TAOK3: variants seen among roughly 807,000 people sequenced by gnomAD.
TAOK3 encodes the protein TAO kinase 3.
TAOK3 carries 40 observed loss-of-function variants against 120.4 expected under a neutral mutation model. The ratio of observed to expected loss-of-function variants is 0.33; its 90% CI spans 0.26 to 0.43. The LOEUF (loss-of-function observed/expected upper bound fraction) is 0.43. TAOK3 is among the 20% of genes least tolerant of loss of function. The pLI is 1.00. For synonymous variants in TAOK3, 355 were observed against 387.5 expected (o/e 0.92, Z 0.99); for missense variants, 821 against 1,112.1 (o/e 0.74, Z 3.72).
Position 118,204,006 on chromosome 12 carries a change from C to G in TAOK3, c.820-2543G>C, listed in dbSNP as rs193100762. 3.3e-5 allele frequency among the ~76,000 whole-genome samples: 5 copies of G among 152,270 alleles called. No homozygotes were observed. In the East Asian group the frequency reaches 9.7e-4, roughly 29 times the overall value. On this transcript the variant is annotated intron_variant, in intron 11 of 20. Transcript: ENST00000392533. ...TTAGGCTGGGCGTGGTGGCTCACAT[C>G]TGTAATCCCAGCACTTTGGAAGGCC...
intron 1 of TAOK3, among the ~76,000 whole-genome samples, chr12:118,355,091 T>C (rs958816684): frequency 3.9e-5 from 6 of 152,130 alleles, no homozygotes; most frequent in African/African-American, 1.4e-4. Flanking sequence ...ATAAAACTCA[T>C]GAATGGTTTA....
At chr12:118,307,286 A>G (rs953145289) in intron 1 of TAOK3, among the ~76,000 whole-genome samples, 5 of 152,002 alleles carry the variant, frequency 3.3e-5, no homozygotes, top group African/African-American at 1.2e-4. Context: ...ACAGAAAGCA[A>G]AGCTCTCAGA....
rs148512153 is a variant in TAOK3 at position 118,217,638 on chromosome 12, C to T, written c.644-3528G>A. Among the ~76,000 whole-genome samples, 1,383 of 150,978 alleles carry T rather than the reference C, an allele frequency of 9.2e-3. 9 individuals carry two copies. The highest frequency in any genetic ancestry group is 0.016 in the Non-Finnish European group (1,088 of 67,770). On this transcript the variant is annotated intron_variant, in intron 9 of 20. Coordinates refer to ENST00000392533, the MANE Select transcript of TAOK3 (RefSeq NM_016281.4). The stretch of plus-strand genomic sequence containing the variant: ...GGCGGAGGTTGCAATGAGCTGAGAT[C>T]ATGCCACTGCACTCCAGCCTGAGTG...
intron 1 of TAOK3, among the ~76,000 whole-genome samples, chr12:118,370,959 G>C (rs2045875875): frequency 1.3e-5 from 2 of 152,186 alleles, no homozygotes; most frequent in African/African-American, 4.8e-5. Flanking sequence ...AATCTAATTG[G>C]AAAGAGCTCT....
intron 3 of TAOK3, among the ~76,000 whole-genome samples, chr12:118,254,689 AAGG>A (rs2040904581): frequency 6.6e-6 from 1 of 152,200 alleles, no homozygotes; most frequent in African/African-American, 2.4e-5. Flanking sequence ...TAGCACATAT[AAGG>A]CTCTGAGGCA....
intron 11 of TAOK3, among the ~76,000 whole-genome samples, chr12:118,211,297 T>C (rs2038617964): frequency 1.3e-5 from 2 of 152,180 alleles, no homozygotes; most frequent in South Asian, 4.1e-4. Flanking sequence ...ATGTGTTTTG[T>C]TTTCTTTTTC....
intron 1 of TAOK3, among the ~76,000 whole-genome samples, chr12:118,354,849 C>T (rs895529712): frequency 1.3e-5 from 2 of 152,086 alleles, no homozygotes; most frequent in Non-Finnish European, 2.9e-5. Context: ...TCCATTAAAC[C>T]TCTTTCCTGT....
chr12:118,272,250 C>G (rs2041731450), intron 1 of TAOK3, among the ~76,000 whole-genome samples: 1 of 147,144 alleles, frequency 6.8e-6, no homozygotes, highest in East Asian at 2.0e-4. Context: ...CCGAGTTACA[C>G]CACTGCACTC....
chr12:118,353,346 T>C (rs1019829109), intron 1 of TAOK3, among the ~76,000 whole-genome samples: 8 of 151,954 alleles, frequency 5.3e-5, no homozygotes, highest in African/African-American at 1.9e-4. Flanking sequence ...AGCAAGGGCT[T>C]TTTGGGTGAA....
Position 118,214,071 on chromosome 12 carries a change from C to T in TAOK3, c.683G>A (p.Ser228Asn), listed in dbSNP as rs1271228186. The T allele has an allele frequency of 6.2e-7, 1 of 1,609,912 alleles. No individual in the cohort carries two copies. The highest frequency in any genetic ancestry group is 8.5e-7 in the Non-Finnish European group (1 of 1,178,774). Reference sequence around the variant, plus strand: ...ATTCTGGGCAATGTGATATAAGGCACTCATTGCATTCATGTTGAAAAGGGG... The same window carrying T: ...ATTCTGGGCAATGTGATATAAGGCATTCATTGCATTCATGTTGAAAAGGGG... Reference protein sequence around the residue: ...KPPLFNMNAMSALYHIAQNDS... With the variant: ...KPPLFNMNAMNALYHIAQNDS... The change falls in exon 10 of 21, where the codon AGT (serine) becomes AAT (asparagine). Residue 228 changes from serine to asparagine, a missense_variant. This residue lies in a region of TAOK3 where 467 missense variants were observed against 540.0 expected (regional missense o/e 0.86). Transcript: ENST00000392533.
chr12:118,328,000 T>C (rs1259380432), intron 1 of TAOK3, among the ~76,000 whole-genome samples: 1 of 152,124 alleles, frequency 6.6e-6, no homozygotes. Flanking sequence ...ATAGTGTTTA[T>C]ATGCAGAACT....
chr12:118,299,986 C>T (rs2042820297), intron 1 of TAOK3, among the ~76,000 whole-genome samples: 1 of 152,150 alleles, frequency 6.6e-6, no homozygotes, highest in African/African-American at 2.4e-5. Flanking sequence ...CTCCTTCCCC[C>T]ACTTACCCCT....
intron 1 of TAOK3, among the ~76,000 whole-genome samples, chr12:118,364,721 A>G (rs1643941753): frequency 6.6e-6 from 1 of 152,110 alleles, no homozygotes; most frequent in Non-Finnish European, 1.5e-5. Context: ...CAGCCTGGCC[A>G]ACACGGTGAA....
At position 118,246,186 on chromosome 12, in the gene TAOK3, G is replaced by T; in HGVS notation, c.121-1221C>A. On this transcript the variant is annotated intron_variant, in intron 3 of 20. Coordinates refer to ENST00000392533, the MANE Select transcript of TAOK3 (RefSeq NM_016281.4). ...CGGAGGTTTCGGCAGTGGCATCCGG[G>T]GCCGGGGTCGCGGCCGTGGACGGGG... 4 of 1,406,828 alleles carry T rather than the reference G, an allele frequency of 2.8e-6. No homozygotes were observed. The South Asian group carries it at 4.9e-5, about 17-fold the overall frequency. The allele number at this position is 1,406,828 out of a possible 1,614,324, so 87.1% of individuals were successfully genotyped here.
chr12:118,353,962 T>C (rs549727912), intron 1 of TAOK3, among the ~76,000 whole-genome samples: 2 of 152,306 alleles, frequency 1.3e-5, no homozygotes, highest in Middle Eastern at 3.4e-3. Context: ...TGCTAACACA[T>C]CCCTATGAAA....
chr12:118,336,206 G>A (rs2044360502), intron 1 of TAOK3, among the ~76,000 whole-genome samples: 1 of 152,222 alleles, frequency 6.6e-6, no homozygotes, highest in African/African-American at 2.4e-5. Context: ...TGTAGCTACA[G>A]TAATCAAGGC....
chr12:118,185,840 T>C (rs909112436), intron 14 of TAOK3, among the ~76,000 whole-genome samples: 3 of 152,296 alleles, frequency 2.0e-5, no homozygotes, highest in African/African-American at 4.8e-5. Flanking sequence ...GGCATGTAGA[T>C]TGGACAGCAT....
At chr12:118,312,952 G>C (rs960476926) in intron 1 of TAOK3, among the ~76,000 whole-genome samples, 1 of 146,172 alleles carries the variant, frequency 6.8e-6, no homozygotes, top group Admixed American at 6.6e-5. Flanking sequence ...TTATCTGCTG[G>C]TGAGGCTCTA....
intron 7 of TAOK3, chr12:118,236,020 T>C (rs1006186122): frequency 5.3e-5 from 10 of 187,938 alleles, no homozygotes; most frequent in Non-Finnish European, 1.0e-4. Context: ...CAGTTATCAA[T>C]AGTATTCCCT....
Sources: allele counts gnomAD v4.1 joint callset (sites outside exome capture counted in the v4.1 genomes callset), GRCh38; gene constraint gnomAD v4.1.1; regional missense constraint gnomAD v4.1.1; transcripts MANE v1.5; gene names NCBI Gene and HGNC (gene_info 2026-07-23, HGNC 2026-07-21).